The following FSTL5 variants were observed in gnomAD, a reference collection of about 807,000 sequenced individuals.
FSTL5 encodes follistatin-related protein 5.
In FSTL5, 62 loss-of-function variants were observed where a neutral mutation model predicts 89.1. The ratio of observed to expected loss-of-function variants is 0.70; its 90% CI spans 0.57 to 0.86. The LOEUF is 0.86. Ranked by LOEUF, FSTL5 falls within the 40% of genes least tolerant of loss-of-function variation. The probability of loss-of-function intolerance (pLI) is 0.00; values close to 1 mark genes in which losing one functional copy is unlikely to be tolerated. For missense variants in FSTL5, 1,057 were observed against 1,001.6 expected (o/e 1.06, Z -0.75); for synonymous variants, 383 against 346.2 (o/e 1.11, Z -1.18).
At chr4:161,473,078 T>A (rs1016597595) in intron 13 of FSTL5, among the ~76,000 whole-genome samples, 10 of 152,188 alleles carry the variant, frequency 6.6e-5, no homozygotes, top group Non-Finnish European at 1.2e-4. Flanking sequence ...ATATCATTTA[T>A]CCTGGAAAAT....
At chr4:161,647,954 G>A (rs1736207826) in intron 7 of FSTL5, among the ~76,000 whole-genome samples, 1 of 152,128 alleles carries the variant, frequency 6.6e-6, no homozygotes, top group Non-Finnish European at 1.5e-5. Flanking sequence ...CACACTAGCA[G>A]CCACCGACTG....
intron 3 of FSTL5, among the ~76,000 whole-genome samples, chr4:161,927,539 T>C (rs1023768234): frequency 6.6e-6 from 1 of 151,724 alleles, no homozygotes; most frequent in African/African-American, 2.4e-5. Context: ...ATTTCTGTTA[T>C]AATTATAAAA....
chr4:161,421,100 G>T (rs1288321376), intron 15 of FSTL5, among the ~76,000 whole-genome samples: 1 of 152,062 alleles, frequency 6.6e-6, no homozygotes, highest in Non-Finnish European at 1.5e-5. Flanking sequence ...CCAGCACTTT[G>T]GGAGGCCGAG....
At chr4:161,462,779 T>G (rs1370059366) in intron 13 of FSTL5, among the ~76,000 whole-genome samples, 1 of 152,126 alleles carries the variant, frequency 6.6e-6, no homozygotes, top group African/African-American at 2.4e-5. Context: ...AGCATCATAA[T>G]GTTTCAAGGT....
chr4:161,706,219 T>C (rs1406408377), intron 6 of FSTL5, among the ~76,000 whole-genome samples: 1 of 151,372 alleles, frequency 6.6e-6, no homozygotes, highest in Non-Finnish European at 1.5e-5. Context: ...TATGTTAGTG[T>C]TAGAATTTAT....
intron 15 of FSTL5, among the ~76,000 whole-genome samples, chr4:161,440,820 G>A (rs577468345): frequency 6.6e-6 from 1 of 152,156 alleles, no homozygotes; most frequent in East Asian, 1.9e-4. Flanking sequence ...TTACATTATA[G>A]GATTGATGTT....
intron 15 of FSTL5, among the ~76,000 whole-genome samples, chr4:161,423,906 C>T (rs1732077103): frequency 6.6e-6 from 1 of 151,418 alleles, no homozygotes; most frequent in Non-Finnish European, 1.5e-5. Context: ...GTCACCCAGG[C>T]TGGAGTGCAG....
At chr4:162,044,670 A>G (rs184045578) in intron 2 of FSTL5, among the ~76,000 whole-genome samples, 172 of 152,302 alleles carry the variant, frequency 1.1e-3, no homozygotes, top group African/African-American at 4.0e-3. Context: ...GTTTCGTCCA[A>G]TTGAAAAATC....
chr4:162,074,794 A>G (rs980969331), intron 2 of FSTL5, among the ~76,000 whole-genome samples: 1 of 151,734 alleles, frequency 6.6e-6, no homozygotes, highest in Non-Finnish European at 1.5e-5. Context: ...ATACTGATAA[A>G]TATATGCTGA....
At chr4:161,836,547 C>CTAAA (rs2126867617) in intron 4 of FSTL5, among the ~76,000 whole-genome samples, 1 of 151,674 alleles carries the variant, frequency 6.6e-6, no homozygotes, top group East Asian at 1.9e-4. Context: ...GGAGAGGCTG[C>CTAAA]TAAAGGGTCC....
At chr4:161,841,716 A>G (rs903436949) in intron 4 of FSTL5, among the ~76,000 whole-genome samples, 4 of 152,186 alleles carry the variant, frequency 2.6e-5, no homozygotes, top group Admixed American at 2.6e-4. Flanking sequence ...GCTGATCCTA[A>G]TTCTTTAAAG....
intron 6 of FSTL5, among the ~76,000 whole-genome samples, chr4:161,753,632 T>A (rs1415314463): frequency 1.3e-5 from 2 of 152,238 alleles, no homozygotes; most frequent in East Asian, 3.8e-4. Context: ...TATTCATTTT[T>A]ATTGTTCTAA....
At chr4:161,774,768 GTTAT>G (rs71997829) in intron 5 of FSTL5, among the ~76,000 whole-genome samples, 31,696 of 151,554 alleles carry the variant, frequency 0.21, 6,069 homozygotes, top group African/African-American at 0.51. Flanking sequence ...TAATTAACTA[GTTAT>G]TTATTCTTAT....
At chr4:161,488,150 C>T (rs1479169058) in intron 12 of FSTL5, among the ~76,000 whole-genome samples, 1 of 152,036 alleles carries the variant, frequency 6.6e-6, no homozygotes, top group African/African-American at 2.4e-5. Flanking sequence ...TAAGTTTTAA[C>T]TGAGATTACT....
intron 1 of FSTL5, among the ~76,000 whole-genome samples, chr4:162,159,961 T>C (rs577428137): frequency 3.1e-4 from 47 of 152,024 alleles, no homozygotes; most frequent in African/African-American, 1.1e-3. Context: ...GAAGACAAAA[T>C]TGCCATTAAA....
intron 4 of FSTL5, among the ~76,000 whole-genome samples, chr4:161,805,078 T>A (rs1221109668): frequency 6.6e-6 from 1 of 152,052 alleles, no homozygotes; most frequent in East Asian, 1.9e-4. Context: ...GACCATCCCA[T>A]TTCAGCAGCT....
chr4:161,436,046 C>A (rs937108697), intron 15 of FSTL5, among the ~76,000 whole-genome samples: 2 of 152,016 alleles, frequency 1.3e-5, no homozygotes, highest in African/African-American at 4.8e-5. Flanking sequence ...TATTACTCTG[C>A]AAGTTTTTGT....
At chr4:161,830,713 G>T (rs1231569678) in intron 4 of FSTL5, among the ~76,000 whole-genome samples, 1 of 151,858 alleles carries the variant, frequency 6.6e-6, no homozygotes, top group Non-Finnish European at 1.5e-5. Context: ...TTATTCTATT[G>T]CCTCTCAACA....
chr4:161,919,833 C>A (rs894452142), intron 4 of FSTL5, among the ~76,000 whole-genome samples: 7 of 148,730 alleles, frequency 4.7e-5, no homozygotes, highest in Admixed American at 2.7e-4. Flanking sequence ...TTTTCTAAAC[C>A]AATGATTTTC....
Sources: allele counts gnomAD v4.1 joint callset (sites outside exome capture counted in the v4.1 genomes callset), GRCh38; gene constraint gnomAD v4.1.1; transcripts MANE v1.5; gene names NCBI Gene and HGNC (gene_info 2026-07-23, HGNC 2026-07-21).